The following CNTNAP2 variants were observed in gnomAD, a reference collection of about 807,000 sequenced individuals.
CNTNAP2 encodes the protein contactin-associated protein-like 2.
A neutral mutation model predicts 155.2 loss-of-function variants in CNTNAP2; 98 were observed. That is an observed-to-expected ratio of 0.63 (90% CI 0.54 to 0.75). The LOEUF (loss-of-function observed/expected upper bound fraction) is 0.75. Among genes scored for constraint, CNTNAP2 ranks in the 30% least tolerant of loss-of-function variants. The pLI, the probability that CNTNAP2 is intolerant of heterozygous loss-of-function variation, is 0.00. For synonymous variants in CNTNAP2, 651 were observed against 631.2 expected (o/e 1.03, Z -0.47); for missense variants, 1,727 against 1,688.1 (o/e 1.02, Z -0.40).
chr7:147,283,594 A>G (rs1420177959), intron 8 of CNTNAP2, among the ~76,000 whole-genome samples: 1 of 151,996 alleles, frequency 6.6e-6, no homozygotes, highest in Non-Finnish European at 1.5e-5. Context: ...ACTCATTTGT[A>G]TCATAGAAGT....
intron 13 of CNTNAP2, among the ~76,000 whole-genome samples, chr7:147,783,564 G>C (rs73460106): frequency 2.8e-3 from 428 of 152,202 alleles, no homozygotes; most frequent in African/African-American, 1.0e-2. Context: ...AGTTCTGGAG[G>C]CCAGAAATTT....
At chr7:146,428,102 A>G (rs1258287221) in intron 1 of CNTNAP2, among the ~76,000 whole-genome samples, 1 of 152,166 alleles carries the variant, frequency 6.6e-6, no homozygotes, top group Non-Finnish European at 1.5e-5. Flanking sequence ...ATAGTATTCC[A>G]TGGCATATAT....
chr7:146,366,717 C>T (rs1026858139), intron 1 of CNTNAP2, among the ~76,000 whole-genome samples: 6 of 151,994 alleles, frequency 3.9e-5, no homozygotes, highest in Non-Finnish European at 7.4e-5. Flanking sequence ...GACTAAAGTC[C>T]GAACTGATCT....
rs1800993235 is a variant in CNTNAP2 at position 146,707,884 on chromosome 7, G to A, written c.98-66387G>A. On this transcript the variant is annotated intron_variant, in intron 1 of 23. Coordinates refer to ENST00000361727, the MANE Select transcript of CNTNAP2 (RefSeq NM_014141.6). ...AACTTGAGTCTTGATAACTGATGGA[G>A]AAGTATGTAGGGTAGGCATAGCACT... is the stretch of plus-strand genomic sequence containing the variant. Among the ~76,000 whole-genome samples, 5 of 152,202 alleles carry A rather than the reference G, an allele frequency of 3.3e-5. No individual in the cohort carries two copies. In the South Asian group the frequency reaches 1.0e-3, roughly 32 times the overall value.
intron 15 of CNTNAP2, among the ~76,000 whole-genome samples, chr7:148,054,065 C>T (rs10252276): frequency 0.048 from 7,317 of 151,472 alleles, 216 homozygotes; most frequent in South Asian, 0.11. Flanking sequence ...CTCTGCCTCC[C>T]GGGTTCACGC....
At chr7:148,012,871 A>G (rs999996978) in intron 15 of CNTNAP2, among the ~76,000 whole-genome samples, 1 of 152,226 alleles carries the variant, frequency 6.6e-6, no homozygotes, top group Non-Finnish European at 1.5e-5. Flanking sequence ...GTGGCTATGT[A>G]GAGTATATCT....
chr7:147,748,258 A>G (rs1156529454), intron 13 of CNTNAP2, among the ~76,000 whole-genome samples: 3 of 152,162 alleles, frequency 2.0e-5, no homozygotes, highest in East Asian at 1.9e-4. Context: ...TGAAGTAAAG[A>G]TATACAAAAT....
At chr7:147,137,179 TAA>T (rs1563089767) in intron 8 of CNTNAP2, among the ~76,000 whole-genome samples, 1 of 151,436 alleles carries the variant, frequency 6.6e-6, no homozygotes, top group East Asian at 2.0e-4. Flanking sequence ...CATGTGATTT[TAA>T]AGAGTGTATT....
intron 8 of CNTNAP2, among the ~76,000 whole-genome samples, chr7:147,137,887 A>AGAT (rs1801516796): frequency 8.0e-6 from 1 of 125,198 alleles, no homozygotes; most frequent in African/African-American, 2.6e-5. Context: ...ATAGATAGAT[A>AGAT]GATAGATAGA....
chr7:148,315,517 G>A (rs1797672925), intron 21 of CNTNAP2, among the ~76,000 whole-genome samples: 1 of 152,076 alleles, frequency 6.6e-6, no homozygotes, highest in African/African-American at 2.4e-5. Flanking sequence ...CACTTCTTTT[G>A]TAGTGGAATG....
rs148868750 is a variant in CNTNAP2 at position 146,518,217 on chromosome 7, T to A, written c.98-256054T>A. Among the ~76,000 whole-genome samples the A allele has an allele frequency of 4.5e-3, 679 of 151,700 alleles. 4 individuals are homozygous for A. The highest frequency in any genetic ancestry group is 6.2e-3 in the Non-Finnish European group (423 of 67,800). Reference sequence around the variant, plus strand: ...CATAGAATTGAACGTTATCATTTCATGGGATTTTTGTTTTTAGTTTTGAGT... The same window carrying A: ...CATAGAATTGAACGTTATCATTTCAAGGGATTTTTGTTTTTAGTTTTGAGT... On this transcript the variant is annotated intron_variant, in intron 1 of 23. Transcript: ENST00000361727.
chr7:146,369,115 T>C (rs1323717396), intron 1 of CNTNAP2, among the ~76,000 whole-genome samples: 1 of 150,298 alleles, frequency 6.7e-6, no homozygotes, highest in Non-Finnish European at 1.5e-5. Context: ...CGTAGTTTTA[T>C]TGTACTTCCA....
intron 14 of CNTNAP2, among the ~76,000 whole-genome samples, chr7:147,943,049 A>C (rs1800754699): frequency 6.6e-6 from 1 of 151,880 alleles, no homozygotes; most frequent in Non-Finnish European, 1.5e-5. Context: ...AAAAAAAAAA[A>C]TCCCCGCTTC....
At chr7:146,163,171 A>T (rs1798251808) in intron 1 of CNTNAP2, among the ~76,000 whole-genome samples, 1 of 152,168 alleles carries the variant, frequency 6.6e-6, no homozygotes, top group South Asian at 2.1e-4. Flanking sequence ...AAAAAATTAA[A>T]AATAAAAATA....
chr7:146,586,586 G>A (rs1262469199), intron 1 of CNTNAP2, among the ~76,000 whole-genome samples: 1 of 151,508 alleles, frequency 6.6e-6, no homozygotes, highest in Non-Finnish European at 1.5e-5. Context: ...GTTCACCAAA[G>A]GTAATTAACC....
At chr7:146,466,201 T>G (rs938281081) in intron 1 of CNTNAP2, among the ~76,000 whole-genome samples, 1 of 152,196 alleles carries the variant, frequency 6.6e-6, no homozygotes, top group African/African-American at 2.4e-5. Flanking sequence ...TTCACTTCCC[T>G]TTCTTTTTGG....
intron 8 of CNTNAP2, among the ~76,000 whole-genome samples, chr7:147,275,695 A>G (rs1035636769): frequency 9.9e-5 from 15 of 152,074 alleles, no homozygotes; most frequent in African/African-American, 3.6e-4. Context: ...GACTTCTAGT[A>G]CTATCTTGGA....
In CNTNAP2 at chr7:147,453,972, T is replaced by A. The variant is rs553403356; in HGVS notation, c.1671-31963T>A. Among the ~76,000 whole-genome samples, 561 of 151,476 alleles carry A rather than the reference T, an allele frequency of 3.7e-3. 3 individuals carry two copies. Among genetic ancestry groups the A allele is most frequent in the African/African-American group, 0.013 (522 of 41,214 alleles). On this transcript the variant is annotated intron_variant, in intron 10 of 23. Coordinates refer to ENST00000361727, the MANE Select transcript of CNTNAP2 (RefSeq NM_014141.6). ...AAACCTAAGATGCGCCATGTTCTCTTATTTGTTATTTATAGGAACTGGCTT... is the reference window on the plus strand; with the variant it reads ...AAACCTAAGATGCGCCATGTTCTCTAATTTGTTATTTATAGGAACTGGCTT...
At chr7:146,348,530 G>C (rs1425342624) in intron 1 of CNTNAP2, among the ~76,000 whole-genome samples, 1 of 152,080 alleles carries the variant, frequency 6.6e-6, no homozygotes, top group Non-Finnish European at 1.5e-5. Flanking sequence ...AGTCCCCAAA[G>C]TGTATATTAA....
Sources: gnomAD v4.1 joint callset for allele counts (sites outside exome capture counted in the v4.1 genomes callset) on GRCh38, gnomAD v4.1.1 for gene constraint, MANE v1.5 for transcripts, NCBI Gene and HGNC (gene_info 2026-07-23, HGNC 2026-07-21) for gene names.